PRRC2B: variants seen among roughly 807,000 people sequenced by gnomAD.
The protein encoded by PRRC2B is proline rich coiled-coil 2B.
Under a neutral mutation model 242.3 loss-of-function variants are expected in PRRC2B, and 68 were observed. The ratio of observed to expected loss-of-function variants is 0.28; its 90% CI spans 0.23 to 0.34. The LOEUF (loss-of-function observed/expected upper bound fraction) is 0.34, where lower values mean the gene tolerates loss of function less well. Among genes scored for constraint, PRRC2B ranks in the 10% least tolerant of loss-of-function variants. PRRC2B has a pLI of 1.00. For synonymous variants in PRRC2B, 1,228 were observed against 1,173.6 expected (o/e 1.05, Z -0.95); for missense variants, 2,835 against 2,954.8 (o/e 0.96, Z 0.94).
intron 1 of PRRC2B, among the ~76,000 whole-genome samples, chr9:131,402,938 GGGAA>G (rs1564274260): frequency 6.6e-6 from 1 of 152,182 alleles, no homozygotes; most frequent in African/African-American, 2.4e-5. Flanking sequence ...CTGTGCCTCC[GGGAA>G]GCCGGCGTCA....
In PRRC2B at chr9:131,496,038, G is replaced by GC; in HGVS notation, c.*165dup. On this transcript the variant is annotated 3_prime_UTR_variant, in exon 32 of 32. Coordinates refer to ENST00000683519, the MANE Select transcript of PRRC2B (RefSeq NM_013318.4). ...CTCCCGAAAGCTCCGTTGTCAACCA[G>GC]CTTGCACCCGTGGATATATGGCATT... 1 of 950,128 alleles carries GC rather than the reference G, an allele frequency of 1.1e-6. No homozygotes were observed. The highest frequency in any genetic ancestry group is 1.5e-6 in the Non-Finnish European group (1 of 655,134). The allele number at this position is 950,128 out of a possible 1,614,324, so 58.9% of individuals were successfully genotyped here.
chr9:131,450,751 C>G (rs1437676780), intron 9 of PRRC2B, among the ~76,000 whole-genome samples: 3 of 151,874 alleles, frequency 2.0e-5, no homozygotes, highest in African/African-American at 7.3e-5. Flanking sequence ...CTATGCCCTA[C>G]TAATTGTTGT....
Position 131,432,705 on chromosome 9 carries a change from T to A in PRRC2B, c.204T>A (p.Ser68=). 1 of 1,614,022 alleles carries A rather than the reference T, an allele frequency of 6.2e-7. No individual in the cohort carries two copies. ...PPPANLPSLK[S]ENKGNDPNIV... ...CTGCAAACCTGCCAAGCTTGAAGTC[T>A]GAAAACAAAGGAAACGACCCCAACA... is the stretch of plus-strand genomic sequence containing the variant. The change falls in exon 3 of 32, where the codon TCT becomes TCA. Residue 68 remains serine, a synonymous_variant. Coordinates refer to ENST00000683519, the MANE Select transcript of PRRC2B (RefSeq NM_013318.4).
At chr9:131,408,172 G>A (rs1037276727) in intron 1 of PRRC2B, among the ~76,000 whole-genome samples, 6 of 152,222 alleles carry the variant, frequency 3.9e-5, no homozygotes, top group African/African-American at 7.2e-5. Context: ...GCCGAAGGGC[G>A]TCTGACTCCC....
chr9:131,481,607 A>G (rs1943870566), intron 19 of PRRC2B, 119 bp from the exon 20 acceptor site: 3 of 778,994 alleles, frequency 3.9e-6, no homozygotes, highest in South Asian at 1.5e-5. Flanking sequence ...TGGCGGGTGC[A>G]GGGGAGGCAG....
At chr9:131,381,518 A>G (rs924053084) in intron 1 of PRRC2B, among the ~76,000 whole-genome samples, 1 of 144,304 alleles carries the variant, frequency 6.9e-6, no homozygotes, top group Non-Finnish European at 1.5e-5. Flanking sequence ...TCCCGGGTTC[A>G]CGCCATTCTC....
chr9:131,417,350 C>T (rs1327206473), intron 1 of PRRC2B, among the ~76,000 whole-genome samples: 1 of 151,934 alleles, frequency 6.6e-6, no homozygotes, highest in Non-Finnish European at 1.5e-5. Context: ...CCCCTCTGAC[C>T]CTGGTGTTCT....
At chr9:131,423,670 C>G (rs997071995) in intron 1 of PRRC2B, among the ~76,000 whole-genome samples, 2 of 152,234 alleles carry the variant, frequency 1.3e-5, no homozygotes, top group African/African-American at 4.8e-5. Context: ...AGTAACTGTT[C>G]TGGGCTTTGT....
intron 13 of PRRC2B, 39 bp downstream of exon 13, chr9:131,467,792 C>G (rs1300592252): frequency 1.3e-6 from 2 of 1,599,558 alleles, no homozygotes; most frequent in East Asian, 4.5e-5. Context: ...GATAAACAGG[C>G]CTGAGTGCCG....
Position 131,482,719 on chromosome 9 carries a change from C to G in PRRC2B, c.5185C>G (p.Gln1729Glu), listed in dbSNP as rs1206739344. 2 of 1,577,820 alleles carry G rather than the reference C, an allele frequency of 1.3e-6. No homozygotes were observed. The highest frequency in any genetic ancestry group is 1.7e-6 in the Non-Finnish European group (2 of 1,163,526). The change falls in exon 22 of 32, where the codon CAA becomes GAA. Residue 1729 changes from glutamine to glutamate, a missense_variant. Transcript: ENST00000683519. This position sits in a 1 kb window ranked among gnomAD's most constrained non-coding sequence, Gnocchi z 5.2. ...PKPSEQKDSE[Q>E]GSGQSKEHRP... ...CTGCTTTTTTATCAAGGATTCAGAA[C>G]AAGGCTCTGGACAGAGCAAGGAGCA... is the stretch of plus-strand genomic sequence containing the variant.
At chr9:131,431,877 C>T (rs1388075070) in intron 2 of PRRC2B, among the ~76,000 whole-genome samples, 2 of 152,108 alleles carry the variant, frequency 1.3e-5, no homozygotes, top group Non-Finnish European at 2.9e-5. Flanking sequence ...TGAGCCACCG[C>T]GCCCGGCCAT....
Position 131,498,960 on chromosome 9 carries a change from C to T in PRRC2B, c.*3086C>T, listed in dbSNP as rs1024459497. 6.6e-6 allele frequency: 1 copy of T among 152,154 alleles called. No homozygotes were observed. The highest frequency in any genetic ancestry group is 1.5e-5 in the Non-Finnish European group (1 of 68,026). 9.4% of individuals were successfully genotyped at this position (152,154 alleles called of 1,614,324 possible). A position where few individuals can be genotyped will look rare whatever the true frequency, so the allele number is the denominator to read the frequency against. ...GTTTGGTTTTCTTAACTGTTGGCTT[C>T]TCCCCACAGCGTTTTTTGTTTTTTT... On this transcript the variant is annotated 3_prime_UTR_variant, in exon 32 of 32. Transcript: ENST00000683519.
At chr9:131,421,380 C>A (rs187390365) in intron 1 of PRRC2B, among the ~76,000 whole-genome samples, 14 of 152,228 alleles carry the variant, frequency 9.2e-5, no homozygotes, top group Admixed American at 8.5e-4. Flanking sequence ...TCATCTTGTC[C>A]CTGGATTTCG....
In PRRC2B at chr9:131,495,845, G is replaced by T; in HGVS notation, c.6661G>T (p.Ala2221Ser). The T allele has an allele frequency of 6.2e-7, 1 of 1,610,566 alleles. No individual in the cohort carries two copies. Among genetic ancestry groups the T allele is most frequent in the South Asian group, 1.1e-5 (1 of 91,014 alleles). Residue 2221 changes from alanine to serine, a missense_variant, in exon 32 of 32, where the codon GCT becomes TCT. By Grantham distance (99) the Ala-to-Ser change is moderately conservative. Transcript: ENST00000683519. ...GCGAACCGGAGCGATCAAGCCTCGG[G>T]CTGTCAAAGTGGAGGAGAGTAAGGC... ...MKRTGAIKPR[A>S]VKVEESKA
rs568760242 is a variant in PRRC2B at position 131,467,416 on chromosome 9, G to C, written c.1721-147G>C. 20 of 684,032 alleles carry C rather than the reference G, an allele frequency of 2.9e-5. No homozygotes were observed. The African/African-American group carries it at 3.2e-4, about 11-fold the overall frequency. 42.4% of individuals were successfully genotyped at this position (684,032 alleles called of 1,614,324 possible). ...GTCCCTGAGCTTGTGTACGTGATGC[G>C]TTTGGCACAGGGCCAGGGTTCAGGG... is the stretch of plus-strand genomic sequence containing the variant. On this transcript the variant is annotated intron_variant, in intron 12 of 31. Coordinates refer to ENST00000683519, the MANE Select transcript of PRRC2B (RefSeq NM_013318.4).
At chr9:131,420,479 TTCTTTCTTTCTTTC>T (rs1448818414) in intron 1 of PRRC2B, among the ~76,000 whole-genome samples, 8 of 22,546 alleles carry the variant, frequency 3.5e-4, no homozygotes, top group African/African-American at 8.9e-4. Context: ...CTTTCTTTCT[TTCTTTCTTTCTTTC>T]TTTTTTTTTT....
chr9:131,446,543 C>A lies in PRRC2B; in HGVS notation c.756C>A (p.Asp252Glu). ...PSSACTSDSK[D>E]PSLRPAQPVR... Reference sequence around the variant, plus strand: ...CGGCATGTACCAGCGATTCTAAGGACCCCTCTCTCCGCCCGGCTCAGCCTG... The same window carrying A: ...CGGCATGTACCAGCGATTCTAAGGAACCCTCTCTCCGCCCGGCTCAGCCTG... The change falls in exon 7 of 32, where the codon GAC (aspartate) becomes GAA (glutamate). Residue 252 changes from aspartate (D) to glutamate (E), a missense_variant. This residue lies in a region of PRRC2B where 626 missense variants were observed against 685.5 expected (regional missense o/e 0.91). Transcript: ENST00000683519. This position sits in a 1 kb window ranked among gnomAD's most constrained non-coding sequence, Gnocchi z 4.1. The A allele has an allele frequency of 6.2e-7, 1 of 1,613,904 alleles. No homozygotes were observed. The highest frequency in any genetic ancestry group is 8.5e-7 in the Non-Finnish European group (1 of 1,179,848).
chr9:131,446,742 C>T lies in PRRC2B; in HGVS notation c.855+100C>T, dbSNP rs1002839985. 2.2e-6 allele frequency: 3 copies of T among 1,334,830 alleles called. No individual in the cohort carries two copies. The highest frequency in any genetic ancestry group is 4.6e-5 in the East Asian group (2 of 43,036). The allele number at this position is 1,334,830 out of a possible 1,614,324, so 82.7% of individuals were successfully genotyped here. On this transcript the variant is annotated intron_variant, in intron 7 of 31. Transcript: ENST00000683519. This position sits in a 1 kb window ranked among gnomAD's most constrained non-coding sequence, Gnocchi z 4.1. Reference sequence around the variant, plus strand: ...TGTCCCCCTTGGGGTCTCCTCTTGGCCCTGTTACCCTACTTCTGAGGCTTC... The same window carrying T: ...TGTCCCCCTTGGGGTCTCCTCTTGGTCCTGTTACCCTACTTCTGAGGCTTC...
chr9:131,484,273 C>T (rs1295371920), intron 23 of PRRC2B, among the ~76,000 whole-genome samples: 1 of 152,184 alleles, frequency 6.6e-6, no homozygotes, highest in Non-Finnish European at 1.5e-5. Context: ...GTGGCAGGTG[C>T]CTTCTGAACC....
Sources: allele counts gnomAD v4.1 joint callset (sites outside exome capture counted in the v4.1 genomes callset), GRCh38; gene constraint gnomAD v4.1.1; regional missense constraint gnomAD v4.1.1; non-coding constraint Gnocchi (gnomAD v3.1); transcripts MANE v1.5; gene names NCBI Gene and HGNC (gene_info 2026-07-23, HGNC 2026-07-21).